The following CRACDL variants were observed in gnomAD, a reference collection of about 807,000 sequenced individuals.
The protein encoded by CRACDL is CRACD like.
In CRACDL, 26 loss-of-function variants were observed where a neutral mutation model predicts 70.6. The observed-to-expected ratio is 0.37, with a 90% CI of 0.27 to 0.51. The LOEUF (loss-of-function observed/expected upper bound fraction) is 0.51, where lower values mean the gene tolerates loss of function less well. Ranked by LOEUF, CRACDL falls within the 20% of genes least tolerant of loss-of-function variation. The pLI is 0.94. For synonymous variants in CRACDL, 618 were observed against 615.2 expected (o/e 1.00, Z -0.07); for missense variants, 1,283 against 1,376.9 (o/e 0.93, Z 1.08).
At chr2:98,879,273 C>G (rs1044673625) in intron 1 of CRACDL, among the ~76,000 whole-genome samples, 1 of 152,198 alleles carries the variant, frequency 6.6e-6, no homozygotes, top group Non-Finnish European at 1.5e-5. Context: ...AGATACCAAA[C>G]CTGCACTCGC....
intron 2 of CRACDL, among the ~76,000 whole-genome samples, chr2:98,842,638 T>C (rs1225288811): frequency 6.6e-6 from 1 of 152,110 alleles, no homozygotes; most frequent in Non-Finnish European, 1.5e-5. Flanking sequence ...TTTTCTAGAA[T>C]GTCATGTAGA....
intron 5 of CRACDL, among the ~76,000 whole-genome samples, chr2:98,829,381 C>T (rs556198186): frequency 1.3e-5 from 2 of 152,210 alleles, no homozygotes; most frequent in Non-Finnish European, 2.9e-5. Flanking sequence ...CTTCTGTTTC[C>T]ACTGTTGCTC....
intron 6 of CRACDL, among the ~76,000 whole-genome samples, chr2:98,826,498 C>T (rs538573303): frequency 2.2e-4 from 33 of 152,252 alleles, no homozygotes; most frequent in East Asian, 1.9e-4. Context: ...AGGAAGTGAA[C>T]GGGCAGGGTG....
chr2:98,819,813 T>G lies in CRACDL; in HGVS notation c.2416+2044A>C, dbSNP rs533763948. Among the ~76,000 whole-genome samples, 4 of 134,892 alleles carry G rather than the reference T, an allele frequency of 3.0e-5. No homozygotes were observed. In the Admixed American group the frequency reaches 3.0e-4, roughly 10 times the overall value. 88.5% of individuals were successfully genotyped at this position (134,892 alleles called of 152,430 possible). On this transcript the variant is annotated intron_variant, in intron 7 of 9. Transcript: ENST00000397899. ...TACACTGCTTGAGTAGCCTGAAACA[T>G]TCTTTTTTTTTTTTTTTTTTTTTTG...
At chr2:98,803,376 G>C (rs1704163288) in intron 7 of CRACDL, among the ~76,000 whole-genome samples, 1 of 152,112 alleles carries the variant, frequency 6.6e-6, no homozygotes. Context: ...GGTCTCCAAT[G>C]ATCTTCTCAC....
intron 1 of CRACDL, among the ~76,000 whole-genome samples, chr2:98,876,321 C>T (rs1260628899): frequency 1.3e-5 from 2 of 152,150 alleles, no homozygotes; most frequent in Non-Finnish European, 2.9e-5. Context: ...AGACAAGCAG[C>T]ATGAATGCTC....
At chr2:98,908,048 C>T (rs148366600) in intron 1 of CRACDL, among the ~76,000 whole-genome samples, 13 of 152,326 alleles carry the variant, frequency 8.5e-5, no homozygotes, top group East Asian at 3.9e-4. Context: ...TTTTCATCTC[C>T]GACGTCAGGT....
At chr2:98,927,241 G>A (rs1401498009) in intron 1 of CRACDL, among the ~76,000 whole-genome samples, 5 of 152,214 alleles carry the variant, frequency 3.3e-5, no homozygotes, top group African/African-American at 4.8e-5. Flanking sequence ...GCGGGTGGAC[G>A]GTGGGAGGTG....
At chr2:98,859,883 G>A (rs1006772642) in intron 1 of CRACDL, among the ~76,000 whole-genome samples, 2 of 152,170 alleles carry the variant, frequency 1.3e-5, no homozygotes, top group African/African-American at 4.8e-5. Flanking sequence ...ATTTGTAGAT[G>A]ACATGATCAT....
At chr2:98,855,027 C>T (rs771971703) in intron 1 of CRACDL, among the ~76,000 whole-genome samples, 5 of 152,214 alleles carry the variant, frequency 3.3e-5, no homozygotes, top group Admixed American at 6.5e-5. Context: ...CGGCGGCTCA[C>T]GCCTGTAATC....
rs1705191179 is a variant in CRACDL at position 98,823,611 on chromosome 2, C to T, written c.736-74G>A. 27 of 1,518,788 alleles carry T rather than the reference C, an allele frequency of 1.8e-5. No individual in the cohort carries two copies. The highest frequency in any genetic ancestry group is 2.3e-5 in the Non-Finnish European group (26 of 1,132,010). The allele number at this position is 1,518,788 out of a possible 1,614,324, so 94.1% of individuals were successfully genotyped here. On this transcript the variant is annotated intron_variant, in intron 6 of 9. Coordinates refer to ENST00000397899, the MANE Select transcript of CRACDL (RefSeq NM_207362.3). This position sits in a 1 kb window ranked among gnomAD's most constrained non-coding sequence, Gnocchi z 4.0. ...AAGCCTGTCACCTCCCCACTTTTTT[C>T]AAGGCTTATAATGGTTTAGTGATAG...
At position 98,887,656 on chromosome 2, in the gene CRACDL, C is replaced by A. The variant is rs61503115; in HGVS notation, c.-10-40846G>T. On this transcript the variant is annotated intron_variant, in intron 1 of 9. Transcript: ENST00000397899. ...AGGAAAACACGACCCATTCAAGAAG[C>A]TTGATGACCTTCAAGGAGGATAAAC... is the stretch of plus-strand genomic sequence containing the variant. 7.0e-3 allele frequency among the ~76,000 whole-genome samples: 1,072 copies of A among 152,232 alleles called. 13 individuals are homozygous for A. Among genetic ancestry groups the A allele is most frequent in the African/African-American group, 0.024 (1,015 of 41,530 alleles).
At chr2:98,811,335 C>T (rs1405620169) in intron 7 of CRACDL, among the ~76,000 whole-genome samples, 1 of 151,626 alleles carries the variant, frequency 6.6e-6, no homozygotes, top group Non-Finnish European at 1.5e-5. Context: ...CATGGTGAAA[C>T]CCTGTCTCTC....
intron 1 of CRACDL, among the ~76,000 whole-genome samples, chr2:98,868,074 T>C (rs984141889): frequency 1.3e-5 from 2 of 152,258 alleles, no homozygotes; most frequent in African/African-American, 4.8e-5. Flanking sequence ...TGAGGTTTCA[T>C]TCTTAGTAAA....
intron 7 of CRACDL, among the ~76,000 whole-genome samples, chr2:98,803,249 C>T (rs1200157186): frequency 2.0e-5 from 3 of 152,152 alleles, no homozygotes; most frequent in Non-Finnish European, 4.4e-5. Context: ...ATCCACCCGC[C>T]TCAGCCTCCC....
At chr2:98,920,384 G>A (rs555828016) in intron 1 of CRACDL, among the ~76,000 whole-genome samples, 24 of 152,276 alleles carry the variant, frequency 1.6e-4, no homozygotes, top group Non-Finnish European at 2.2e-4. Flanking sequence ...CTTCGCATGT[G>A]TAGGCACTGT....
At chr2:98,842,321 T>C (rs895992393) in intron 2 of CRACDL, among the ~76,000 whole-genome samples, 4 of 151,732 alleles carry the variant, frequency 2.6e-5, no homozygotes, top group Admixed American at 6.6e-5. Context: ...TACATAAATT[T>C]AATTTAAAAT....
intron 1 of CRACDL, among the ~76,000 whole-genome samples, chr2:98,851,573 C>T (rs572888262): frequency 2.0e-5 from 3 of 152,146 alleles, no homozygotes; most frequent in African/African-American, 4.8e-5. Context: ...CACTTTCTTC[C>T]CATAGCAGGG....
chr2:98,831,084 T>C (rs1396014884), intron 5 of CRACDL, among the ~76,000 whole-genome samples: 1 of 152,164 alleles, frequency 6.6e-6, no homozygotes, highest in Non-Finnish European at 1.5e-5. Flanking sequence ...GTGAAGTCTA[T>C]GAAATAGGCC....
Sources: gnomAD v4.1 joint callset for allele counts (sites outside exome capture counted in the v4.1 genomes callset) on GRCh38, gnomAD v4.1.1 for gene constraint, Gnocchi (gnomAD v3.1) non-coding constraint, MANE v1.5 for transcripts, NCBI Gene and HGNC (gene_info 2026-07-23, HGNC 2026-07-21) for gene names.